The following LUZP2 variants were observed in gnomAD, a reference collection of about 807,000 sequenced individuals.
LUZP2 encodes leucine zipper protein 2.
Under a neutral mutation model 51.6 loss-of-function variants are expected in LUZP2, and 52 were observed. The ratio of observed to expected loss-of-function variants is 1.01; its 90% CI spans 0.81 to 1.27. The LOEUF is 1.27. LUZP2 is among the 50% of genes most tolerant of loss of function. The pLI is 0.00. For missense variants in LUZP2, 436 were observed against 395.4 expected (o/e 1.10, Z -0.87); for synonymous variants, 154 against 137.3 (o/e 1.12, Z -0.85).
At chr11:25,024,206 G>A (rs1013141828) in intron 9 of LUZP2, among the ~76,000 whole-genome samples, 11 of 151,884 alleles carry the variant, frequency 7.2e-5, no homozygotes, top group Admixed American at 2.0e-4. Flanking sequence ...TTTCTGTCTC[G>A]TTGATCTGCA....
chr11:24,526,797 A>G (rs544110002), intron 1 of LUZP2, among the ~76,000 whole-genome samples: 1 of 151,238 alleles, frequency 6.6e-6, no homozygotes, highest in African/African-American at 2.4e-5. Context: ...TTGATACAGA[A>G]GTTTCATTTC....
At chr11:25,006,958 C>T (rs995255491) in intron 9 of LUZP2, among the ~76,000 whole-genome samples, 7 of 152,158 alleles carry the variant, frequency 4.6e-5, no homozygotes, top group Non-Finnish European at 1.0e-4. Flanking sequence ...TTGGCCCAGC[C>T]ACATCCTGCT....
intron 1 of LUZP2, among the ~76,000 whole-genome samples, chr11:24,697,000 A>C (rs1214420121): frequency 6.6e-6 from 1 of 152,246 alleles, no homozygotes; most frequent in South Asian, 2.1e-4. Context: ...AAAGATTAGC[A>C]TGGCTAGAGT....
At chr11:24,914,272 G>A (rs544707870) in intron 6 of LUZP2, among the ~76,000 whole-genome samples, 2 of 152,246 alleles carry the variant, frequency 1.3e-5, no homozygotes, top group South Asian at 4.1e-4. Flanking sequence ...TTTTAAACAA[G>A]CTTCGGTTTT....
chr11:24,913,717 A>G (rs10767276), intron 6 of LUZP2, among the ~76,000 whole-genome samples: 72,931 of 151,078 alleles, frequency 0.48, 17,890 homozygotes, highest in East Asian at 0.77. Context: ...TGGTGGTAGT[A>G]GTTTTCTTTT....
intron 7 of LUZP2, among the ~76,000 whole-genome samples, chr11:24,964,534 T>C (rs751056721): frequency 6.6e-6 from 1 of 152,146 alleles, no homozygotes; most frequent in Non-Finnish European, 1.5e-5. Flanking sequence ...AAGATGCATA[T>C]GTATATTGAG....
chr11:24,923,931 C>A (rs1854149884), intron 7 of LUZP2, among the ~76,000 whole-genome samples: 1 of 152,050 alleles, frequency 6.6e-6, no homozygotes, highest in African/African-American at 2.4e-5. Flanking sequence ...AGTAAAAATG[C>A]AGATTCACTA....
At chr11:24,813,694 G>T (rs1057317332) in intron 5 of LUZP2, among the ~76,000 whole-genome samples, 1 of 152,226 alleles carries the variant, frequency 6.6e-6, no homozygotes, top group African/African-American at 2.4e-5. Flanking sequence ...TTCAACAGGA[G>T]ATTTGGGTGA....
chr11:24,798,162 A>T lies in LUZP2; in HGVS notation c.396+34854A>T, dbSNP rs563874316. On this transcript the variant is annotated intron_variant, in intron 5 of 11. Coordinates refer to ENST00000336930, the MANE Select transcript of LUZP2 (RefSeq NM_001009909.4). ...TTTATTTATTTAAAATTTGAAATATAATTAGCTTCTTTCTTTGAAGCTAGG... is the reference window on the plus strand; with the variant it reads ...TTTATTTATTTAAAATTTGAAATATTATTAGCTTCTTTCTTTGAAGCTAGG... Among the ~76,000 whole-genome samples the T allele has an allele frequency of 2.5e-4, 38 of 151,664 alleles. 2 individuals are homozygous for T. The East Asian group carries it at 7.4e-3, about 29-fold the overall frequency.
intron 2 of LUZP2, 114 bp from the exon 3 acceptor site, chr11:24,732,004 T>A: frequency 1.4e-6 from 1 of 706,388 alleles, no homozygotes; most frequent in South Asian, 2.0e-5. Flanking sequence ...GACTCATTTT[T>A]AATTCTTGTT....
chr11:24,965,468 G>A (rs1240726768), intron 7 of LUZP2, among the ~76,000 whole-genome samples: 1 of 151,518 alleles, frequency 6.6e-6, no homozygotes, highest in Admixed American at 6.6e-5. Flanking sequence ...AAATCAATGT[G>A]TTTGTGCTTT....
intron 1 of LUZP2, among the ~76,000 whole-genome samples, chr11:24,542,126 A>T (rs2136483): frequency 0.39 from 59,920 of 151,972 alleles, 13,692 homozygotes; most frequent in East Asian, 0.63. Context: ...TCTGCTAGGA[A>T]GCTAGAGATA....
intron 5 of LUZP2, among the ~76,000 whole-genome samples, chr11:24,853,190 T>C (rs1463332669): frequency 6.6e-6 from 1 of 152,198 alleles, no homozygotes; most frequent in African/African-American, 2.4e-5. Flanking sequence ...CAATTTGATA[T>C]GTTTCTGCAG....
chr11:24,948,498 G>C (rs1200185405), intron 7 of LUZP2, among the ~76,000 whole-genome samples: 4 of 151,688 alleles, frequency 2.6e-5, no homozygotes, highest in Non-Finnish European at 5.9e-5. Flanking sequence ...CTGAAGAGCA[G>C]GGCAGGGTTA....
intron 7 of LUZP2, among the ~76,000 whole-genome samples, chr11:24,940,727 G>T (rs956342880): frequency 6.6e-6 from 1 of 151,946 alleles, no homozygotes; most frequent in African/African-American, 2.4e-5. Context: ...TCTTAATATT[G>T]CTAACCAATT....
intron 7 of LUZP2, among the ~76,000 whole-genome samples, chr11:24,963,846 C>T (rs375199638): frequency 9.9e-5 from 15 of 152,238 alleles, no homozygotes; most frequent in Admixed American, 5.2e-4. Context: ...AGAAATCACC[C>T]GTCTTCTGCG....
At chr11:24,746,279 C>A (rs1463004335) in intron 4 of LUZP2, among the ~76,000 whole-genome samples, 7 of 152,060 alleles carry the variant, frequency 4.6e-5, no homozygotes, top group Non-Finnish European at 2.9e-5. Context: ...TTTGTTTGTC[C>A]AGAAAAGACT....
At chr11:24,664,886 C>A (rs553168933) in intron 1 of LUZP2, among the ~76,000 whole-genome samples, 2 of 152,110 alleles carry the variant, frequency 1.3e-5, no homozygotes, top group African/African-American at 2.4e-5. Context: ...TCTAGTAGGG[C>A]AGTGCAGAAG....
At chr11:24,784,436 T>C (rs1163652851) in intron 5 of LUZP2, among the ~76,000 whole-genome samples, 1 of 152,006 alleles carries the variant, frequency 6.6e-6, no homozygotes, top group Non-Finnish European at 1.5e-5. Context: ...GTTGGTTCTA[T>C]TAGAAGATTT....
Sources: allele counts gnomAD v4.1 joint callset (sites outside exome capture counted in the v4.1 genomes callset), GRCh38; gene constraint gnomAD v4.1.1; transcripts MANE v1.5; gene names NCBI Gene and HGNC (gene_info 2026-07-23, HGNC 2026-07-21).